The following SCMH1 variants were observed in gnomAD, a reference collection of about 807,000 sequenced individuals.
SCMH1 encodes Scm polycomb group protein homolog 1, also known as polycomb protein SCMH1.
A neutral mutation model predicts 70.8 loss-of-function variants in SCMH1; 37 were observed. The ratio of observed to expected loss-of-function variants is 0.52; its 90% CI spans 0.40 to 0.69. SCMH1 has a LOEUF of 0.69. SCMH1 is among the 30% of genes least tolerant of loss of function. SCMH1 has a pLI of 0.00. For synonymous variants in SCMH1, 292 were observed against 307.4 expected (o/e 0.95, Z 0.52); for missense variants, 607 against 827.3 (o/e 0.73, Z 3.27).
intron 6 of SCMH1, among the ~76,000 whole-genome samples, chr1:41,130,392 CTAATT>C (rs1674356195): frequency 6.6e-6 from 1 of 151,932 alleles, no homozygotes; most frequent in Non-Finnish European, 1.5e-5. Context: ...TTGATGTAGT[CTAATT>C]TATGTATGTT....
chr1:41,211,229 A>C (rs945165495), intron 1 of SCMH1, among the ~76,000 whole-genome samples: 3 of 152,368 alleles, frequency 2.0e-5, no homozygotes, highest in African/African-American at 7.2e-5. Context: ...GTGAACAAGC[A>C]ATCTACAGAA....
chr1:41,108,937 C>A (rs1485131023), intron 8 of SCMH1, among the ~76,000 whole-genome samples: 1 of 152,308 alleles, frequency 6.6e-6, no homozygotes, highest in East Asian at 1.9e-4. Flanking sequence ...GAACCCAGTT[C>A]AGTGCTCTGA....
intron 1 of SCMH1, among the ~76,000 whole-genome samples, chr1:41,195,456 TAA>T (rs964721328): frequency 6.9e-6 from 1 of 144,532 alleles, no homozygotes. Context: ...TAGAATGAAG[TAA>T]AAAAAAAAGG....
At chr1:41,070,067 C>T (rs946387955) in intron 10 of SCMH1, among the ~76,000 whole-genome samples, 3 of 152,076 alleles carry the variant, frequency 2.0e-5, no homozygotes, top group East Asian at 1.9e-4. Flanking sequence ...TGTGTATCTG[C>T]GCACAGTTCT....
chr1:41,105,341 C>A (rs990938625), intron 8 of SCMH1, among the ~76,000 whole-genome samples: 2 of 152,094 alleles, frequency 1.3e-5, no homozygotes, highest in African/African-American at 4.8e-5. Flanking sequence ...AAGTGAATAT[C>A]TGAATAACGG....
chr1:41,155,835 AT>A (rs548336586), intron 4 of SCMH1, among the ~76,000 whole-genome samples: 1 of 152,002 alleles, frequency 6.6e-6, no homozygotes, highest in Non-Finnish European at 1.5e-5. Flanking sequence ...AAATACAAAA[AT>A]TAGCTGGGCG....
In SCMH1 at chr1:41,149,939, A is replaced by T. The variant is rs142315874; in HGVS notation, c.177+1675T>A. 5.4e-3 allele frequency among the ~76,000 whole-genome samples: 820 copies of T among 152,246 alleles called. 3 individuals carry two copies. The highest frequency in any genetic ancestry group is 9.4e-3 in the Non-Finnish European group (636 of 68,020). On this transcript the variant is annotated intron_variant, in intron 5 of 14. Coordinates refer to ENST00000337495, the Ensembl canonical transcript of SCMH1. ...TAGTCTTTTCCTGGACCCTCTGAAG[A>T]TCACTGTGGTTTTCTTTGTGTGCAG...
chr1:41,233,188 T>C lies in SCMH1; in HGVS notation c.-118+8871A>G, dbSNP rs12403679. ...GACTTGAATCAGGACTCTTAATCCC[T>C]ATATATAAGCCATATATATATAAGC... On this transcript the variant is annotated intron_variant, in intron 1 of 14. Transcript: ENST00000337495. Among the ~76,000 whole-genome samples the C allele has an allele frequency of 5.0e-3, 718 of 143,430 alleles. 25 individuals are homozygous for C. The Admixed American group carries it at 0.06, about 12-fold the overall frequency. 94.1% of individuals were successfully genotyped at this position (143,430 alleles called of 152,430 possible).
At chr1:41,109,053 T>C (rs1668650571) in intron 8 of SCMH1, among the ~76,000 whole-genome samples, 2 of 151,884 alleles carry the variant, frequency 1.3e-5, no homozygotes, top group African/African-American at 2.4e-5. Context: ...ATGGGAAGAG[T>C]ATCAGGGAGA....
At chr1:41,219,623 T>C (rs1010788249) in intron 1 of SCMH1, among the ~76,000 whole-genome samples, 2 of 152,236 alleles carry the variant, frequency 1.3e-5, no homozygotes, top group African/African-American at 4.8e-5. Context: ...TAGTAACCAG[T>C]GTTTACTATC....
intron 1 of SCMH1, among the ~76,000 whole-genome samples, chr1:41,231,742 G>T: frequency 6.6e-6 from 1 of 152,120 alleles, no homozygotes. Flanking sequence ...AATTTTATAG[G>T]CCAGGTGTGG....
chr1:41,042,071 C>G (rs1189387511), intron 12 of SCMH1, among the ~76,000 whole-genome samples: 2 of 152,088 alleles, frequency 1.3e-5, no homozygotes, highest in Non-Finnish European at 1.5e-5. Flanking sequence ...TCTGACATCA[C>G]CTCCCCCAGG....
At chr1:41,059,455 A>T (rs571124321) in intron 10 of SCMH1, among the ~76,000 whole-genome samples, 1 of 152,244 alleles carries the variant, frequency 6.6e-6, no homozygotes, top group South Asian at 2.1e-4. Flanking sequence ...CAGAGAGGAG[A>T]TCAGCTGCTG....
intron 1 of SCMH1, among the ~76,000 whole-genome samples, chr1:41,240,405 G>C (rs1663267983): frequency 6.6e-6 from 1 of 152,148 alleles, no homozygotes; most frequent in Non-Finnish European, 1.5e-5. Flanking sequence ...TGGTAAGTAA[G>C]CAACAAAAAG....
At chr1:41,109,257 A>G (rs1198449133) in intron 8 of SCMH1, among the ~76,000 whole-genome samples, 1 of 152,228 alleles carries the variant, frequency 6.6e-6, no homozygotes. Context: ...CAGAAGATAA[A>G]ATGAAAATCT....
At chr1:41,103,201 G>A (rs926131423) in intron 8 of SCMH1, among the ~76,000 whole-genome samples, 3 of 151,288 alleles carry the variant, frequency 2.0e-5, no homozygotes, top group Non-Finnish European at 4.4e-5. Flanking sequence ...GCATGATCTC[G>A]GCTCACTGAA....
chr1:41,062,743 A>T (rs1378354635), intron 10 of SCMH1, among the ~76,000 whole-genome samples: 2 of 150,058 alleles, frequency 1.3e-5, no homozygotes, highest in African/African-American at 2.4e-5. Context: ...CATCTCAGAA[A>T]AAAAAAAAAA....
intron 12 of SCMH1, among the ~76,000 whole-genome samples, chr1:41,044,768 C>G (rs1035136025): frequency 6.6e-6 from 1 of 152,012 alleles, no homozygotes; most frequent in African/African-American, 2.4e-5. Context: ...TTTGCTTCCT[C>G]TTATCTAGTG....
intron 8 of SCMH1, among the ~76,000 whole-genome samples, chr1:41,087,038 G>A (rs961918958): frequency 1.3e-5 from 2 of 152,098 alleles, no homozygotes; most frequent in African/African-American, 4.8e-5. Flanking sequence ...GTACACCAAT[G>A]GACAGGCACA....
Sources: allele counts gnomAD v4.1 joint callset (sites outside exome capture counted in the v4.1 genomes callset), GRCh38; gene constraint gnomAD v4.1.1; transcripts MANE v1.5; gene names NCBI Gene and HGNC (gene_info 2026-07-23, HGNC 2026-07-21).